VTI1A: variants seen among roughly 807,000 people sequenced by gnomAD.
VTI1A encodes vesicle transport through interaction with t-SNAREs 1A.
In VTI1A, 22 loss-of-function variants were observed where a neutral mutation model predicts 34.9. That is an observed-to-expected ratio of 0.63 (90% CI 0.45 to 0.90). The LOEUF is 0.90. Ranked by LOEUF, VTI1A falls within the 40% of genes least tolerant of loss-of-function variation. VTI1A has a pLI of 0.00. For missense variants in VTI1A, 268 were observed against 275.6 expected (o/e 0.97, Z 0.20); for synonymous variants, 87 against 97.3 (o/e 0.89, Z 0.62).
intron 7 of VTI1A, among the ~76,000 whole-genome samples, chr10:112,726,789 G>A (rs1243220371): frequency 1.3e-5 from 2 of 152,166 alleles, no homozygotes; most frequent in East Asian, 1.9e-4. Context: ...AGATCCTGAT[G>A]TGCACTGGCT....
chr10:112,777,367 T>C (rs937839187), intron 7 of VTI1A, among the ~76,000 whole-genome samples: 1 of 152,136 alleles, frequency 6.6e-6, no homozygotes, highest in African/African-American at 2.4e-5. Flanking sequence ...TTCAGGACCT[T>C]ATGCACACAA....
chr10:112,650,190 A>C (rs1366945606), intron 5 of VTI1A, among the ~76,000 whole-genome samples: 1 of 152,120 alleles, frequency 6.6e-6, no homozygotes, highest in African/African-American at 2.4e-5. Flanking sequence ...CTTTCTTCAT[A>C]TCCTCATTCT....
intron 3 of VTI1A, among the ~76,000 whole-genome samples, chr10:112,503,947 G>T (rs373608285): frequency 6.6e-6 from 1 of 152,096 alleles, no homozygotes; most frequent in Non-Finnish European, 1.5e-5. Context: ...GCCACTTTAC[G>T]AAATGAGTCA....
At chr10:112,829,987 AT>A in the VTI1A span, among the ~76,000 whole-genome samples, 1 of 152,112 alleles carries the variant, frequency 6.6e-6, no homozygotes, top group Non-Finnish European at 1.5e-5. Context: ...CTGAGGGGCA[AT>A]TAAAAGGGAA....
chr10:112,504,321 T>C (rs1280261968), intron 3 of VTI1A, among the ~76,000 whole-genome samples: 1 of 152,168 alleles, frequency 6.6e-6, no homozygotes, highest in Non-Finnish European at 1.5e-5. Context: ...TCTTTACAGA[T>C]TCTCTTTAAA....
intron 4 of VTI1A, among the ~76,000 whole-genome samples, chr10:112,529,495 C>G (rs1031904440): frequency 2.0e-5 from 3 of 152,032 alleles, no homozygotes; most frequent in Non-Finnish European, 2.9e-5. Context: ...TAATTTGGCT[C>G]TATACTAATC....
At chr10:112,724,936 T>C (rs1261756185) in intron 7 of VTI1A, among the ~76,000 whole-genome samples, 3 of 152,224 alleles carry the variant, frequency 2.0e-5, no homozygotes, top group African/African-American at 7.2e-5. Flanking sequence ...TCTCCTCTTT[T>C]TGTTTTGTTT....
intron 1 of VTI1A, among the ~76,000 whole-genome samples, chr10:112,447,697 G>T (rs553130955): frequency 6.6e-6 from 1 of 152,236 alleles, no homozygotes; most frequent in Non-Finnish European, 1.5e-5. Context: ...TCGAATCCCG[G>T]CTCTACCTTC....
At chr10:112,804,851 A>ATTTTT (rs138471169) in intron 7 of VTI1A, among the ~76,000 whole-genome samples, 1 of 55,326 alleles carries the variant, frequency 1.8e-5, no homozygotes, top group Non-Finnish European at 3.2e-5. Flanking sequence ...TAGATTATAG[A>ATTTTT]TTTTTTTTTT....
chr10:112,850,679 G>A, the VTI1A span, among the ~76,000 whole-genome samples: 2 of 152,036 alleles, frequency 1.3e-5, no homozygotes, highest in Admixed American at 6.5e-5. Flanking sequence ...TAAAATGAGG[G>A]CCCCCCAAAT....
chr10:112,831,287 C>T, the VTI1A span: 2 of 152,204 alleles, frequency 1.3e-5, no homozygotes, highest in Admixed American at 6.5e-5. Context: ...CATCCAAAAG[C>T]CTGAGCACTG....
At chr10:112,450,741 A>C (rs1847207606) in intron 1 of VTI1A, 1 of 152,226 alleles carries the variant, frequency 6.6e-6, no homozygotes, top group African/African-American at 2.4e-5. Context: ...TTGAATCTTA[A>C]CTAATTTTAG....
In VTI1A at chr10:112,802,478, C is replaced by T. The variant is rs1399177966; in HGVS notation, c.561-12812C>T. 3.3e-5 allele frequency among the ~76,000 whole-genome samples: 5 copies of T among 152,130 alleles called. No individual in the cohort carries two copies. The South Asian group carries it at 8.3e-4, about 25-fold the overall frequency. ...ATGGGGATGATAATAGGCCCCAGCTCATAGGGTTGTTGTGAGGGTTCAGGC... is the reference window on the plus strand; with the variant it reads ...ATGGGGATGATAATAGGCCCCAGCTTATAGGGTTGTTGTGAGGGTTCAGGC... On this transcript the variant is annotated intron_variant, in intron 7 of 7. Coordinates refer to ENST00000393077, the MANE Select transcript of VTI1A (RefSeq NM_145206.4).
chr10:112,747,663 G>A (rs1850945804), intron 7 of VTI1A, among the ~76,000 whole-genome samples: 2 of 152,122 alleles, frequency 1.3e-5, no homozygotes, highest in Non-Finnish European at 2.9e-5. Flanking sequence ...AATATGTATT[G>A]GTCCCCGAAA....
At position 112,818,647 on chromosome 10, in the gene VTI1A, C is replaced by G. The variant is rs933790093; in HGVS notation, c.*3264C>G. On this transcript the variant is annotated 3_prime_UTR_variant, in exon 8 of 8. Transcript: ENST00000393077. Reference sequence around the variant, plus strand: ...CAAGGAAATAATTGCGCATTGCCAGCAACTTGGCGCCTGTTTAGACGTTTT... The same window carrying G: ...CAAGGAAATAATTGCGCATTGCCAGGAACTTGGCGCCTGTTTAGACGTTTT... 1.4e-5 allele frequency: 3 copies of G among 218,040 alleles called. No homozygotes were observed. Among genetic ancestry groups the G allele is most frequent in the African/African-American group, 4.5e-5 (2 of 44,508 alleles). The allele number at this position is 218,040 out of a possible 1,614,324, so 13.5% of individuals were successfully genotyped here.
chr10:112,544,586 A>C (rs1851002549), intron 5 of VTI1A, among the ~76,000 whole-genome samples: 1 of 152,034 alleles, frequency 6.6e-6, no homozygotes. Flanking sequence ...TAACGGCACC[A>C]GCCTGCACAA....
At chr10:112,704,628 G>T (rs1478394584) in intron 7 of VTI1A, among the ~76,000 whole-genome samples, 1 of 152,132 alleles carries the variant, frequency 6.6e-6, no homozygotes, top group East Asian at 1.9e-4. Context: ...AAGTGAACAT[G>T]GCTAGAAATT....
the VTI1A span, among the ~76,000 whole-genome samples, chr10:112,841,870 C>T: frequency 4.6e-5 from 7 of 152,100 alleles, no homozygotes; most frequent in African/African-American, 7.2e-5. Context: ...CAATAAATCC[C>T]GTCTCTGCTA....
In VTI1A at chr10:112,707,897, G is replaced by A. The variant is rs201577639; in HGVS notation, c.560+38899G>A. ...GTTTGGTTCATGTAATTGCCTTTTA[G>A]TTTTTTTGCTACCCTCAGCTGTAAA... On this transcript the variant is annotated intron_variant, in intron 7 of 7. Coordinates refer to ENST00000393077, the MANE Select transcript of VTI1A (RefSeq NM_145206.4). Among the ~76,000 whole-genome samples the A allele has an allele frequency of 1.1e-4, 17 of 152,268 alleles. No homozygotes were observed. The East Asian group carries it at 2.7e-3, about 24-fold the overall frequency.
Sources: allele counts gnomAD v4.1 joint callset (sites outside exome capture counted in the v4.1 genomes callset), GRCh38; gene constraint gnomAD v4.1.1; transcripts MANE v1.5; gene names NCBI Gene and HGNC (gene_info 2026-07-23, HGNC 2026-07-21).